Variants in KLHL6 observed in about 807,000 individuals in gnomAD.
KLHL6 encodes the protein kelch like family member 6.
In KLHL6, 41 loss-of-function variants were observed where a neutral mutation model predicts 58.6. The observed-to-expected ratio is 0.70, with a 90% CI of 0.55 to 0.91. KLHL6 has a LOEUF of 0.91. Ranked by LOEUF, KLHL6 falls within the 40% of genes least tolerant of loss-of-function variation. The pLI is 0.00. For missense variants in KLHL6, 714 were observed against 805.6 expected, an observed-to-expected ratio of 0.89 and a Z score of 1.38; for synonymous variants, 338 against 322.7, an observed-to-expected ratio of 1.05 and a Z score of -0.51.
chr3:183,537,277 G>C (rs941517424), intron 1 of KLHL6, among the ~76,000 whole-genome samples: 3 of 152,092 alleles, frequency 2.0e-5, no homozygotes, highest in Admixed American at 6.6e-5. Flanking sequence ...AGCAGTGCAC[G>C]AAAACCAAGA....
intron 3 of KLHL6, among the ~76,000 whole-genome samples, chr3:183,506,542 G>C (rs536570893): frequency 6.6e-6 from 1 of 152,192 alleles, no homozygotes; most frequent in Admixed American, 6.5e-5. Flanking sequence ...AGAACACGGA[G>C]AGTGGCTGGG....
intron 5 of KLHL6, 66 bp downstream of exon 5, chr3:183,494,013 A>G (rs1201765162): frequency 6.8e-7 from 1 of 1,465,592 alleles, no homozygotes; most frequent in East Asian, 2.3e-5. Context: ...GGCACGTTCC[A>G]AAGCTTTTTA....
chr3:183,491,878 G>T lies in KLHL6; in HGVS notation c.*49C>A. On this transcript the variant is annotated 3_prime_UTR_variant, in exon 7 of 7. Coordinates refer to ENST00000341319, the MANE Select transcript of KLHL6 (RefSeq NM_130446.4). Reference sequence around the variant, plus strand: ...GGGACTGGAGGAGGGTGAGAGGTGAGGCGGGTACGCTGAGGGTCGGGGGGG... The same window carrying T: ...GGGACTGGAGGAGGGTGAGAGGTGATGCGGGTACGCTGAGGGTCGGGGGGG... The T allele has an allele frequency of 7.0e-7, 1 of 1,430,648 alleles. No individual in the cohort carries two copies. Among genetic ancestry groups the T allele is most frequent in the Non-Finnish European group, 9.2e-7 (1 of 1,081,706 alleles). The allele number at this position is 1,430,648 out of a possible 1,614,324, so 88.6% of individuals were successfully genotyped here.
chr3:183,496,191 A>C (rs1395133331), intron 4 of KLHL6, among the ~76,000 whole-genome samples: 3 of 152,196 alleles, frequency 2.0e-5, no homozygotes, highest in Non-Finnish European at 4.4e-5. Context: ...GATATATAAG[A>C]AGAGTTCCAA....
At position 183,508,415 on chromosome 3, in the gene KLHL6, AGT is replaced by A. The variant is rs1718079181; in HGVS notation, c.551_552del (p.His184LeufsTer24). 6.2e-7 allele frequency: 1 copy of A among 1,614,070 alleles called. No homozygotes were observed. Among genetic ancestry groups the A allele is most frequent in the South Asian group, 1.1e-5 (1 of 91,086 alleles). On this transcript the variant is annotated frameshift_variant, in exon 3 of 7. Coordinates refer to ENST00000341319, the MANE Select transcript of KLHL6 (RefSeq NM_130446.4). LOFTEE classifies it high-confidence loss of function. ...CVGILRLADT[H>X]SLDSLKKQVQ... Reference sequence around the variant, plus strand: ...ACCTGCTTCTTTAGACTGTCCAGCGAGTGTGTGTCAGCCAGCCTCAGTATTCC... The same window carrying A: ...ACCTGCTTCTTTAGACTGTCCAGCGAGTGTGTCAGCCAGCCTCAGTATTCC...
chr3:183,553,371 A>C (rs1244175371), intron 1 of KLHL6, among the ~76,000 whole-genome samples: 1 of 152,200 alleles, frequency 6.6e-6, no homozygotes, highest in Non-Finnish European at 1.5e-5. Flanking sequence ...GAACCAGAGA[A>C]GACCAGTGAT....
In KLHL6 at chr3:183,555,613, T is replaced by C; in HGVS notation, c.41A>G (p.Asp14Gly). The C allele has an allele frequency of 6.2e-7, 1 of 1,610,712 alleles. No homozygotes were observed. The highest frequency in any genetic ancestry group is 8.5e-7 in the Non-Finnish European group (1 of 1,178,642). Residue 14 changes from aspartate (D) to glycine (G), a missense_variant, in exon 1 of 7, where the codon GAT (aspartate) becomes GGT (glycine). By Grantham distance (94) the Asp-to-Gly change is moderately conservative. Transcript: ENST00000341319. The stretch of plus-strand genomic sequence containing the variant: ...CCCTTCCAAACTCTTCTCGACCACA[T>C]CACCCATGGTCCAGGCGCCCCTTTG... ...AGQRGAWTMGDVVEKSLEGPL... is the reference protein window; with the variant it reads ...AGQRGAWTMGGVVEKSLEGPL...
chr3:183,550,860 C>G (rs940420721), intron 1 of KLHL6, among the ~76,000 whole-genome samples: 2 of 149,476 alleles, frequency 1.3e-5, no homozygotes, highest in Admixed American at 6.7e-5. Context: ...GTGGCTCACG[C>G]CTGTAATCCC....
At chr3:183,530,550 G>A (rs1712122867) in intron 1 of KLHL6, among the ~76,000 whole-genome samples, 1 of 152,100 alleles carries the variant, frequency 6.6e-6, no homozygotes, top group South Asian at 2.1e-4. Flanking sequence ...GGAGAGGGGT[G>A]AATTAGAAAA....
chr3:183,555,246 A>C (rs900151076), intron 1 of KLHL6, 115 bp downstream of exon 1: 4 of 745,434 alleles, frequency 5.4e-6, no homozygotes, highest in Admixed American at 5.4e-5. Flanking sequence ...ACAAGCCTTA[A>C]TATATATGTA....
intron 2 of KLHL6, among the ~76,000 whole-genome samples, chr3:183,512,055 GT>G (rs1301865827): frequency 6.6e-6 from 1 of 152,184 alleles, no homozygotes; most frequent in Non-Finnish European, 1.5e-5. Context: ...GCTAACACCT[GT>G]TTAGTCGTTG....
Position 183,510,767 on chromosome 3 carries a change from A to G in KLHL6, c.460-2259T>C, listed in dbSNP as rs369711966. ...CACATGCCTGTAATCCCAGCTACTCAGGAGGCTGCAGCAGGAGAATGCTTG... is the reference window on the plus strand; with the variant it reads ...CACATGCCTGTAATCCCAGCTACTCGGGAGGCTGCAGCAGGAGAATGCTTG... On this transcript the variant is annotated intron_variant, in intron 2 of 6. Transcript: ENST00000341319. 3.3e-3 allele frequency among the ~76,000 whole-genome samples: 500 copies of G among 152,192 alleles called. 6 individuals carry two copies. Among genetic ancestry groups the G allele is most frequent in the South Asian group, 0.028 (133 of 4,816 alleles).
At chr3:183,521,887 G>A (rs1267867376) in intron 2 of KLHL6, 2 of 150,660 alleles carry the variant, frequency 1.3e-5, no homozygotes, top group Non-Finnish European at 3.0e-5. Flanking sequence ...AGAGACAGGG[G>A]TTTCACCATG....
chr3:183,529,827 G>A (rs2108686403), intron 1 of KLHL6, among the ~76,000 whole-genome samples: 1 of 152,144 alleles, frequency 6.6e-6, no homozygotes, highest in East Asian at 1.9e-4. Context: ...ACCCCGCAGT[G>A]TGACTCTATT....
intron 2 of KLHL6, among the ~76,000 whole-genome samples, chr3:183,511,778 C>T (rs1718192465): frequency 6.6e-6 from 1 of 152,146 alleles, no homozygotes; most frequent in Admixed American, 6.5e-5. Context: ...TTTTTGTGAG[C>T]TTAAGGTTGG....
At chr3:183,534,697 C>G (rs1339951446) in intron 1 of KLHL6, among the ~76,000 whole-genome samples, 1 of 151,980 alleles carries the variant, frequency 6.6e-6, no homozygotes, top group Non-Finnish European at 1.5e-5. Context: ...CCCCACCATG[C>G]CCGGCCCCAT....
intron 3 of KLHL6, 53 bp downstream of exon 3, chr3:183,508,006 A>G: frequency 6.6e-7 from 1 of 1,511,968 alleles, no homozygotes; most frequent in Non-Finnish European, 9.1e-7. Flanking sequence ...GTGAGCCCCT[A>G]GCTAACTCCT....
In KLHL6 at chr3:183,534,874, ATATGTATG is replaced by A. The variant is rs1389077787; in HGVS notation, c.294-6872_294-6865del. Among the ~76,000 whole-genome samples the A allele has an allele frequency of 3.3e-5, 5 of 150,928 alleles. No individual in the cohort carries two copies. The East Asian group carries it at 9.7e-4, about 29-fold the overall frequency. ...ACTGTGTCTTCAAAGACCATCATATATATGTATGTATATATGTATATATGTATGTATGT... is the reference window on the plus strand; with the variant it reads ...ACTGTGTCTTCAAAGACCATCATATATATATATGTATATATGTATGTATGT... On this transcript the variant is annotated intron_variant, in intron 1 of 6. Coordinates refer to ENST00000341319, the MANE Select transcript of KLHL6 (RefSeq NM_130446.4).
intron 1 of KLHL6, among the ~76,000 whole-genome samples, chr3:183,546,552 G>A (rs577102150): frequency 3.0e-4 from 45 of 152,260 alleles, no homozygotes; most frequent in African/African-American, 1.1e-3. Context: ...CCCCTGTCTA[G>A]CCTCCCTTGC....
Sources: allele counts gnomAD v4.1 joint callset (sites outside exome capture counted in the v4.1 genomes callset), GRCh38; gene constraint gnomAD v4.1.1; transcripts MANE v1.5; gene names NCBI Gene and HGNC (gene_info 2026-07-23, HGNC 2026-07-21).